PTN: variants seen among roughly 807,000 people sequenced by gnomAD.
PTN encodes pleiotrophin.
In PTN, 18 loss-of-function variants were observed where a neutral mutation model predicts 24.1. The observed-to-expected ratio is 0.75, with a 90% CI of 0.52 to 1.11. The LOEUF (loss-of-function observed/expected upper bound fraction) is 1.11. PTN is among the 50% of genes least tolerant of loss of function. PTN has a pLI of 0.00. For synonymous variants in PTN, 78 were observed against 68.6 expected (o/e 1.14, Z -0.67); for missense variants, 163 against 198.8 (o/e 0.82, Z 1.08).
chr7:137,327,092 G>A (rs141134336), intron 1 of PTN: 1 of 152,154 alleles, frequency 6.6e-6, no homozygotes, highest in Non-Finnish European at 1.5e-5. Flanking sequence ...ATTGAAGTAT[G>A]CACAGGATTT....
intron 4 of PTN, among the ~76,000 whole-genome samples, chr7:137,249,899 T>C: frequency 6.6e-6 from 1 of 152,166 alleles, no homozygotes; most frequent in East Asian, 1.9e-4. Context: ...GAGATAACTA[T>C]TTCTATGGAC....
intron 1 of PTN, among the ~76,000 whole-genome samples, chr7:137,308,715 G>A (rs1343110048): frequency 6.6e-6 from 1 of 152,088 alleles, no homozygotes; most frequent in East Asian, 1.9e-4. Context: ...CAGTCTTCAC[G>A]TCTCCATCTC....
At chr7:137,343,172 G>A (rs1810562766) in intron 1 of PTN, among the ~76,000 whole-genome samples, 2 of 152,080 alleles carry the variant, frequency 1.3e-5, no homozygotes, top group South Asian at 2.1e-4. Context: ...GCTGGAACAC[G>A]GTCCAAATAC....
At chr7:137,230,938 T>C (rs777565444) in intron 4 of PTN, among the ~76,000 whole-genome samples, 13 of 151,890 alleles carry the variant, frequency 8.6e-5, no homozygotes, top group Non-Finnish European at 1.3e-4. Flanking sequence ...GGCCTTCAAA[T>C]TCACTCTTCA....
intron 1 of PTN, among the ~76,000 whole-genome samples, chr7:137,266,207 T>C (rs1809141529): frequency 6.6e-6 from 1 of 152,194 alleles, no homozygotes; most frequent in Admixed American, 6.5e-5. Flanking sequence ...GGATGATACT[T>C]TTTTAAGTTT....
intron 1 of PTN, among the ~76,000 whole-genome samples, chr7:137,329,731 C>T (rs1442221898): frequency 6.6e-6 from 1 of 152,068 alleles, no homozygotes; most frequent in Admixed American, 6.6e-5. Context: ...CAATTCTATG[C>T]AACAATAAGC....
chr7:137,262,336 T>A (rs529923726), intron 1 of PTN, among the ~76,000 whole-genome samples: 128 of 152,294 alleles, frequency 8.4e-4, no homozygotes, highest in African/African-American at 2.9e-3. Context: ...GTTTATTCAA[T>A]CTTGTGTCCC....
chr7:137,271,449 TCTCTAATTA>T (rs1406319794), intron 1 of PTN, among the ~76,000 whole-genome samples: 1 of 152,182 alleles, frequency 6.6e-6, no homozygotes, highest in Non-Finnish European at 1.5e-5. Flanking sequence ...TTCAAATTCA[TCTCTAATTA>T]CACAGAAGCA....
chr7:137,241,770 A>G (rs1220051453), intron 4 of PTN, among the ~76,000 whole-genome samples: 1 of 152,172 alleles, frequency 6.6e-6, no homozygotes. Context: ...TAAAAACTTG[A>G]GACCCAACGG....
At chr7:137,335,209 A>G (rs1423766817) in intron 1 of PTN, among the ~76,000 whole-genome samples, 1 of 151,920 alleles carries the variant, frequency 6.6e-6, no homozygotes, top group Non-Finnish European at 1.5e-5. Context: ...TAAAAAAAAA[A>G]GAATGAAGTT....
At chr7:137,343,418 T>C (rs751564702) in intron 1 of PTN, 21 bp downstream of exon 1, 2 of 502,906 alleles carry the variant, frequency 4.0e-6, no homozygotes, top group Non-Finnish European at 8.0e-6. Context: ...CTCCGAGAAA[T>C]CGTACGTTCC....
intron 1 of PTN, among the ~76,000 whole-genome samples, chr7:137,306,770 A>G (rs1563218988): frequency 6.6e-6 from 1 of 152,124 alleles, no homozygotes; most frequent in Non-Finnish European, 1.5e-5. Context: ...TATATCTTCA[A>G]AATAAAATCT....
rs1341797372 is a variant in PTN at position 137,333,933 on chromosome 7, C to A, written c.-2+9506G>T. Among the ~76,000 whole-genome samples the A allele has an allele frequency of 5.3e-5, 8 of 152,238 alleles. No homozygotes were observed. The East Asian group carries it at 1.5e-3, about 29-fold the overall frequency. On this transcript the variant is annotated intron_variant, in intron 1 of 4. Coordinates refer to ENST00000348225, the MANE Select transcript of PTN (RefSeq NM_002825.7). ...CTTTGACAAACCTGAGAAAAACAAG[C>A]AATGGGGAAAGGATTCCCTATTTAA...
At chr7:137,312,554 CT>C (rs1419670821) in intron 1 of PTN, among the ~76,000 whole-genome samples, 1 of 152,226 alleles carries the variant, frequency 6.6e-6, no homozygotes, top group East Asian at 1.9e-4. Context: ...AAACAGTTAT[CT>C]TTTGGAAAAT....
intron 1 of PTN, among the ~76,000 whole-genome samples, chr7:137,306,112 G>C (rs1182418829): frequency 6.6e-6 from 1 of 152,080 alleles, no homozygotes; most frequent in Admixed American, 6.6e-5. Flanking sequence ...CTGGACATGT[G>C]AGCCAATGCT....
chr7:137,291,140 G>C (rs1192816786), intron 1 of PTN, among the ~76,000 whole-genome samples: 1 of 151,974 alleles, frequency 6.6e-6, no homozygotes, highest in Non-Finnish European at 1.5e-5. Flanking sequence ...TATTCTGTCT[G>C]TATACTACAA....
chr7:137,235,872 G>A lies in PTN; in HGVS notation c.452-7797C>T, dbSNP rs116359143. Among the ~76,000 whole-genome samples the A allele has an allele frequency of 9.1e-3, 1,386 of 152,048 alleles. 17 individuals carry two copies. Among genetic ancestry groups the A allele is most frequent in the African/African-American group, 0.032 (1,310 of 41,476 alleles). On this transcript the variant is annotated intron_variant, in intron 4 of 4. Coordinates refer to ENST00000348225, the MANE Select transcript of PTN (RefSeq NM_002825.7). ...ATTTGCTTTCTGATATCAAGTATACGTGAATAAAAGATAGTACATATATTT... is the reference window on the plus strand; with the variant it reads ...ATTTGCTTTCTGATATCAAGTATACATGAATAAAAGATAGTACATATATTT...
intron 1 of PTN, among the ~76,000 whole-genome samples, chr7:137,288,602 A>C (rs566820158): frequency 2.6e-5 from 4 of 152,230 alleles, no homozygotes; most frequent in Non-Finnish European, 5.9e-5. Flanking sequence ...TTGGGACCTT[A>C]AAATCAAAGA....
chr7:137,230,269 T>C (rs559528525), intron 4 of PTN, among the ~76,000 whole-genome samples: 20 of 151,874 alleles, frequency 1.3e-4, no homozygotes, highest in Non-Finnish European at 2.7e-4. Flanking sequence ...TTCTTCTTGG[T>C]AAAGGCAAGA....
Sources: gnomAD v4.1 joint callset for allele counts (sites outside exome capture counted in the v4.1 genomes callset) on GRCh38, gnomAD v4.1.1 for gene constraint, MANE v1.5 for transcripts, NCBI Gene and HGNC (gene_info 2026-07-23, HGNC 2026-07-21) for gene names.